Variants in GABBR2 observed in about 807,000 individuals in gnomAD.
GABBR2 encodes the protein G-protein coupled receptor 51.
In GABBR2, 23 loss-of-function variants were observed where a neutral mutation model predicts 105.6. That is an observed-to-expected ratio of 0.22 (90% CI 0.16 to 0.31). The LOEUF (loss-of-function observed/expected upper bound fraction) is 0.31. GABBR2 is among the 10% of genes least tolerant of loss of function. The pLI, the probability that GABBR2 is intolerant of heterozygous loss-of-function variation, is 1.00. For synonymous variants in GABBR2, 478 were observed against 499.7 expected (o/e 0.96, Z 0.58); for missense variants, 734 against 1,245.5 (o/e 0.59, Z 6.18).
chr9:98,662,803 C>A (rs1830281864), intron 1 of GABBR2, among the ~76,000 whole-genome samples: 1 of 152,142 alleles, frequency 6.6e-6, no homozygotes, highest in Admixed American at 6.5e-5. Context: ...ACGTGCCCAC[C>A]CCAGGCACGT....
chr9:98,479,637 T>C (rs571061190), intron 5 of GABBR2, among the ~76,000 whole-genome samples: 1 of 152,368 alleles, frequency 6.6e-6, no homozygotes, highest in South Asian at 2.1e-4. Context: ...TCCTCGCTGC[T>C]TGTCTCTTTT....
chr9:98,458,359 T>C (rs754932234), intron 6 of GABBR2, among the ~76,000 whole-genome samples: 4 of 152,236 alleles, frequency 2.6e-5, no homozygotes, highest in African/African-American at 4.8e-5. Context: ...ATATTTAGTT[T>C]GCTGGTTCCC....
chr9:98,295,407 C>T (rs1251160622), intron 17 of GABBR2, among the ~76,000 whole-genome samples: 1 of 152,178 alleles, frequency 6.6e-6, no homozygotes, highest in African/African-American at 2.4e-5. Context: ...TCCCTAAGCA[C>T]AAGAGGGCTG....
intron 13 of GABBR2, among the ~76,000 whole-genome samples, chr9:98,349,081 G>A (rs1831347415): frequency 6.6e-6 from 1 of 151,468 alleles, no homozygotes; most frequent in Non-Finnish European, 1.5e-5. Flanking sequence ...ATGGCCTTTA[G>A]TATGTTGAAA....
intron 1 of GABBR2, among the ~76,000 whole-genome samples, chr9:98,642,993 T>TC (rs1829985722): frequency 6.6e-6 from 1 of 152,178 alleles, no homozygotes; most frequent in African/African-American, 2.4e-5. Context: ...TTCCAGGCTG[T>TC]CTTAGCTGAT....
chr9:98,369,144 A>T (rs1831733255), intron 12 of GABBR2, among the ~76,000 whole-genome samples: 2 of 152,212 alleles, frequency 1.3e-5, no homozygotes, highest in Non-Finnish European at 1.5e-5. Context: ...ACAGCTGAGG[A>T]ACACTGGGGT....
intron 3 of GABBR2, among the ~76,000 whole-genome samples, chr9:98,518,783 G>T (rs1343428182): frequency 6.6e-6 from 1 of 152,154 alleles, no homozygotes; most frequent in Non-Finnish European, 1.5e-5. Flanking sequence ...CTCCCTCAAG[G>T]TCAGGAAAGA....
rs530608889 is a variant in GABBR2, at chr9:98,333,215, T to C, written c.1894-22010A>G. 2.0e-5 allele frequency among the ~76,000 whole-genome samples: 3 copies of C among 152,312 alleles called. No homozygotes were observed. In the South Asian group the frequency reaches 6.2e-4, roughly 32 times the overall value. On this transcript the variant is annotated intron_variant, in intron 13 of 18. Coordinates refer to ENST00000259455, the MANE Select transcript of GABBR2 (RefSeq NM_005458.8). ...CCAGGTGCTGGGTGTGGGCAAATCT[T>C]ACAGGCATCCCTTCTAGTCCTCCCC... is the stretch of plus-strand genomic sequence containing the variant.
intron 3 of GABBR2, among the ~76,000 whole-genome samples, chr9:98,503,350 T>C (rs540510494): frequency 6.6e-6 from 1 of 152,270 alleles, no homozygotes; most frequent in Admixed American, 6.5e-5. Context: ...ACACAGGCCT[T>C]CCAGTTCACG....
chr9:98,629,420 T>TA (rs1829788402), intron 1 of GABBR2, among the ~76,000 whole-genome samples: 1 of 152,230 alleles, frequency 6.6e-6, no homozygotes, highest in Non-Finnish European at 1.5e-5. Flanking sequence ...CTCCTTAAAT[T>TA]ACAAGCCATT....
At chr9:98,417,933 C>T (rs1832716607) in intron 7 of GABBR2, among the ~76,000 whole-genome samples, 1 of 151,982 alleles carries the variant, frequency 6.6e-6, no homozygotes, top group South Asian at 2.1e-4. Context: ...AGCCTAGAGG[C>T]AAGAGACAGT....
chr9:98,465,121 TAAAAAAAAA>T (rs57747633), intron 6 of GABBR2, among the ~76,000 whole-genome samples: 19 of 21,980 alleles, frequency 8.6e-4, no homozygotes, highest in South Asian at 2.9e-3. Context: ...CAATAAATAC[TAAAAAAAAA>T]AAAAAAAAAA....
intron 1 of GABBR2, among the ~76,000 whole-genome samples, chr9:98,703,817 A>AAAAC (rs1830862462): frequency 1.1e-5 from 1 of 92,278 alleles, no homozygotes; most frequent in Admixed American, 1.1e-4. Context: ...TTAAATAAAA[A>AAAAC]TAAATTTATT....
chr9:98,536,103 G>T (rs1319662037), intron 3 of GABBR2, among the ~76,000 whole-genome samples: 3 of 152,082 alleles, frequency 2.0e-5, no homozygotes, highest in South Asian at 2.1e-4. Context: ...GGAAATCTCT[G>T]TACCTTACTC....
At chr9:98,440,059 G>C (rs569560071) in intron 7 of GABBR2, among the ~76,000 whole-genome samples, 1 of 152,230 alleles carries the variant, frequency 6.6e-6, no homozygotes, top group African/African-American at 2.4e-5. Flanking sequence ...CCACCATGAG[G>C]AACTGCCTTG....
rs573915096 is a variant in GABBR2 at position 98,335,482 on chromosome 9, A to C, written c.1894-24277T>G. 2.8e-3 allele frequency among the ~76,000 whole-genome samples: 427 copies of C among 152,132 alleles called. 6 individuals are homozygous for C. The highest frequency in any genetic ancestry group is 9.9e-3 in the African/African-American group (411 of 41,498). Reference sequence around the variant, plus strand: ...TGAGAGTCTGGACCAGAGAATCTCAACTCCGGCTGCACACCAGAACCCATG... The same window carrying C: ...TGAGAGTCTGGACCAGAGAATCTCACCTCCGGCTGCACACCAGAACCCATG... On this transcript the variant is annotated intron_variant, in intron 13 of 18. Transcript: ENST00000259455.
intron 1 of GABBR2, among the ~76,000 whole-genome samples, chr9:98,653,712 GT>G (rs754959849): frequency 3.2e-4 from 38 of 118,680 alleles, no homozygotes; most frequent in Non-Finnish European, 6.2e-4. Context: ...CTTCCCTGAG[GT>G]TTTCAGCACA....
At chr9:98,702,035 A>G (rs1442688362) in intron 1 of GABBR2, among the ~76,000 whole-genome samples, 2 of 152,152 alleles carry the variant, frequency 1.3e-5, no homozygotes, top group African/African-American at 4.8e-5. Context: ...TATGCACCTG[A>G]TAAGGCAGTT....
chr9:98,505,212 T>G (rs1380177876), intron 3 of GABBR2, among the ~76,000 whole-genome samples: 2 of 152,250 alleles, frequency 1.3e-5, no homozygotes, highest in African/African-American at 4.8e-5. Context: ...TGATGTGCAT[T>G]CATTAAGAGA....
Sources: gnomAD v4.1 joint callset for allele counts (sites outside exome capture counted in the v4.1 genomes callset) on GRCh38, gnomAD v4.1.1 for gene constraint, MANE v1.5 for transcripts, NCBI Gene and HGNC (gene_info 2026-07-23, HGNC 2026-07-21) for gene names.